KLRG2: variants seen among roughly 807,000 people sequenced by gnomAD.
KLRG2 encodes the protein killer cell lectin like receptor G2.
In KLRG2, 39 loss-of-function variants were observed where a neutral mutation model predicts 35.4. That is an observed-to-expected ratio of 1.10 (90% CI 0.85 to 1.44). The LOEUF (loss-of-function observed/expected upper bound fraction) is 1.44, where lower values mean the gene tolerates loss of function less well. Among genes scored for constraint, KLRG2 ranks in the 40% most tolerant of loss-of-function variants. The pLI, the probability that KLRG2 is intolerant of heterozygous loss-of-function variation, is 0.00. For missense variants in KLRG2, 632 were observed against 570.9 expected (o/e 1.11, Z -1.09); for synonymous variants, 283 against 265.8 (o/e 1.06, Z -0.63).
At chr7:139,474,631 C>T (rs570532445) in intron 3 of KLRG2, among the ~76,000 whole-genome samples, 73 of 152,034 alleles carry the variant, frequency 4.8e-4, no homozygotes, top group African/African-American at 1.7e-3. Flanking sequence ...CATGTTGGCA[C>T]ACGCCTGTAA....
chr7:139,446,731 G>C, the KLRG2 span, among the ~76,000 whole-genome samples: 1 of 151,632 alleles, frequency 6.6e-6, no homozygotes, highest in South Asian at 2.1e-4. Flanking sequence ...GAGTCCTCCC[G>C]CCTCCTCCGA....
intron 3 of KLRG2, among the ~76,000 whole-genome samples, chr7:139,471,979 G>GT (rs1796765121): frequency 6.6e-6 from 1 of 152,230 alleles, no homozygotes; most frequent in Non-Finnish European, 1.5e-5. Context: ...GCCACAGACT[G>GT]TTTCGGAGCT....
chr7:139,429,835 A>G, the KLRG2 span, among the ~76,000 whole-genome samples: 4 of 151,862 alleles, frequency 2.6e-5, no homozygotes, highest in Non-Finnish European at 4.4e-5. Flanking sequence ...CCCCCTTTCT[A>G]TTCCACAAAA....
intron 3 of KLRG2, among the ~76,000 whole-genome samples, chr7:139,471,257 A>G (rs1796749837): frequency 6.6e-6 from 1 of 152,120 alleles, no homozygotes; most frequent in Non-Finnish European, 1.5e-5. Flanking sequence ...TAATGAGTAA[A>G]ATTTATTTTC....
At chr7:139,454,669 A>G (rs1031732185) in intron 3 of KLRG2, among the ~76,000 whole-genome samples, 1 of 150,578 alleles carries the variant, frequency 6.6e-6, no homozygotes, top group African/African-American at 2.4e-5. Flanking sequence ...AAAAAAAATT[A>G]GCTGGGCATG....
At chr7:139,431,452 CTT>C in the KLRG2 span, among the ~76,000 whole-genome samples, 4 of 150,844 alleles carry the variant, frequency 2.7e-5, no homozygotes, top group African/African-American at 4.9e-5. Context: ...AGTATGGACT[CTT>C]TTAGGCAGGG....
In KLRG2 at chr7:139,453,611, C is replaced by G. The variant is rs1377797094; in HGVS notation, c.1206G>C (p.Trp402Cys). The G allele has an allele frequency of 1.9e-6, 3 of 1,609,506 alleles. No individual in the cohort carries two copies. The highest frequency in any genetic ancestry group is 1.7e-6 in the Non-Finnish European group (2 of 1,178,074). The change falls in exon 5 of 5, where the codon TGG (tryptophan) becomes TGC (cysteine). Residue 402 changes from tryptophan (W) to cysteine (C), a missense_variant. Transcript: ENST00000340940. ...VAANCSTPRP[W>C]VCAKGTQ ...ATCACTGGGTCCCCTTGGCACAGAC[C>G]CAGGGTCTTGGAGTGCTGCAGTTTG... is the stretch of plus-strand genomic sequence containing the variant.
intron 3 of KLRG2, among the ~76,000 whole-genome samples, chr7:139,465,066 C>T (rs1019982541): frequency 6.6e-6 from 1 of 152,188 alleles, no homozygotes; most frequent in Non-Finnish European, 1.5e-5. Context: ...ACCCTGAACA[C>T]ACTTGGTTTA....
intron 3 of KLRG2, among the ~76,000 whole-genome samples, chr7:139,479,080 T>A (rs987601635): frequency 6.6e-6 from 1 of 152,062 alleles, no homozygotes; most frequent in East Asian, 1.9e-4. Flanking sequence ...TTATTTTTAT[T>A]TTTATTTATT....
intron 3 of KLRG2, 22 bp from the exon 4 acceptor site, chr7:139,454,236 G>T (rs962705371): frequency 1.9e-5 from 23 of 1,211,760 alleles, no homozygotes. Context: ...AAGTAAGCTG[G>T]TCACTCCCCT....
chr7:139,437,683 C>A, the KLRG2 span, among the ~76,000 whole-genome samples: 1 of 152,206 alleles, frequency 6.6e-6, no homozygotes, highest in Admixed American at 6.5e-5. Flanking sequence ...GTCTCCAACT[C>A]CTGACCTCAG....
intron 3 of KLRG2, among the ~76,000 whole-genome samples, chr7:139,478,145 G>T (rs1163122608): frequency 6.6e-6 from 1 of 151,640 alleles, no homozygotes; most frequent in African/African-American, 2.4e-5. Context: ...GAAGTGGGAG[G>T]ATCGCTTGAG....
At chr7:139,438,581 A>C in the KLRG2 span, among the ~76,000 whole-genome samples, 1 of 152,134 alleles carries the variant, frequency 6.6e-6, no homozygotes, top group East Asian at 1.9e-4. Flanking sequence ...TAAAAAGACA[A>C]CACCAAGTGT....
intron 3 of KLRG2, among the ~76,000 whole-genome samples, chr7:139,460,612 A>G (rs975703798): frequency 2.0e-5 from 3 of 152,014 alleles, no homozygotes; most frequent in East Asian, 3.9e-4. Flanking sequence ...GCAGCAAGCC[A>G]TGATCACAAC....
chr7:139,446,391 T>G, the KLRG2 span, among the ~76,000 whole-genome samples: 1 of 139,958 alleles, frequency 7.1e-6, no homozygotes. Flanking sequence ...TCGCCCAGGC[T>G]GGAGTGCAGT....
At chr7:139,477,115 G>A (rs1051372122) in intron 3 of KLRG2, among the ~76,000 whole-genome samples, 1 of 152,110 alleles carries the variant, frequency 6.6e-6, no homozygotes, top group Non-Finnish European at 1.5e-5. Context: ...ATTAAGCCAA[G>A]GATTGCTGGG....
At chr7:139,441,663 T>G in the KLRG2 span, among the ~76,000 whole-genome samples, 1 of 152,138 alleles carries the variant, frequency 6.6e-6, no homozygotes, top group South Asian at 2.1e-4. Flanking sequence ...TCCCAGCTAC[T>G]TGGGAGGCTG....
At chr7:139,462,877 A>G (rs1569411987) in intron 3 of KLRG2, among the ~76,000 whole-genome samples, 1 of 151,422 alleles carries the variant, frequency 6.6e-6, no homozygotes, top group South Asian at 2.1e-4. Flanking sequence ...AGTCTTTCCA[A>G]TCTTCCTTTT....
chr7:139,437,462 AGTTT>A, the KLRG2 span, among the ~76,000 whole-genome samples: 14 of 145,310 alleles, frequency 9.6e-5, no homozygotes, highest in East Asian at 4.2e-4. Flanking sequence ...ATTCATCATT[AGTTT>A]GTTTGTTTGA....
Sources: allele counts gnomAD v4.1 joint callset (sites outside exome capture counted in the v4.1 genomes callset), GRCh38; gene constraint gnomAD v4.1.1; transcripts MANE v1.5; gene names NCBI Gene and HGNC (gene_info 2026-07-23, HGNC 2026-07-21).